HIPK3: variants seen among roughly 807,000 people sequenced by gnomAD.
HIPK3 encodes homeodomain-interacting protein kinase 3.
Under a neutral mutation model 124.2 loss-of-function variants are expected in HIPK3, and 47 were observed. That is an observed-to-expected ratio of 0.38 (90% CI 0.30 to 0.48). HIPK3 has a LOEUF of 0.48. Ranked by LOEUF, HIPK3 falls within the 20% of genes least tolerant of loss-of-function variation. The pLI is 0.98. For missense variants in HIPK3, 1,286 were observed against 1,454.3 expected (o/e 0.88, Z 1.88); for synonymous variants, 482 against 515.2 (o/e 0.94, Z 0.87).
At chr11:33,321,224 G>A (rs1852654693) in intron 2 of HIPK3, among the ~76,000 whole-genome samples, 1 of 152,188 alleles carries the variant, frequency 6.6e-6, no homozygotes, top group African/African-American at 2.4e-5. Flanking sequence ...AGCGAATGCA[G>A]TGGTTTAGTG....
At chr11:33,345,491 G>GGA (rs1853465356) in intron 8 of HIPK3, among the ~76,000 whole-genome samples, 2 of 152,258 alleles carry the variant, frequency 1.3e-5, no homozygotes, top group South Asian at 4.1e-4. Context: ...GATCTCCTGT[G>GGA]GAGAGGGTAT....
At chr11:33,260,940 T>C (rs531961728) in intron 1 of HIPK3, among the ~76,000 whole-genome samples, 23 of 151,854 alleles carry the variant, frequency 1.5e-4, no homozygotes, top group Non-Finnish European at 2.8e-4. Context: ...ACTAAAACTT[T>C]GTTAAAATGG....
rs778254342 is a variant in HIPK3, at chr11:33,348,740, C to T, written c.2588C>T (p.Pro863Leu). 27 of 1,613,930 alleles carry T rather than the reference C, an allele frequency of 1.7e-5. No individual in the cohort carries two copies. The highest frequency in any genetic ancestry group is 6.7e-5 in the East Asian group (3 of 44,896). Residue 863 changes from proline (P) to leucine (L), a missense_variant, in exon 13 of 17, where the codon CCG becomes CTG. Pro to Leu is a moderately conservative substitution (Grantham distance 98, BLOSUM62 -3). Transcript: ENST00000303296. ...CAAACCATCATTATTGCCGACTCCC[C>T]GAGTCCTGCAGTGAGTGTCATCACT... ...QRQTIIIADS[P>L]SPAVSVITIS...
intron 2 of HIPK3, among the ~76,000 whole-genome samples, chr11:33,312,160 A>C (rs1398503450): frequency 6.6e-6 from 1 of 152,176 alleles, no homozygotes; most frequent in Non-Finnish European, 1.5e-5. Context: ...GTCTGGCTAC[A>C]CACAGCTATT....
Position 33,286,955 on chromosome 11 carries a change from G to A in HIPK3, c.541G>A (p.Asp181Asn). ...SKQNCTTGEG[D>N]YQLVQHEVLC... is the part of the protein sequence containing the mutation. ...ACAGAATTGTACCACTGGAGAAGGT[G>A]ACTATCAGTTAGTACAGCATGAAGT... Residue 181 changes from aspartate (D) to asparagine (N), a missense_variant, in exon 2 of 17, where the codon GAC (aspartate) becomes AAC (asparagine). Physicochemically the swap from Asp to Asn is conservative, Grantham distance 23 (BLOSUM62 1). Coordinates refer to ENST00000303296, the MANE Select transcript of HIPK3 (RefSeq NM_005734.5). 6.2e-7 allele frequency: 1 copy of A among 1,614,142 alleles called. No homozygotes were observed. Among genetic ancestry groups the A allele is most frequent in the Non-Finnish European group, 8.5e-7 (1 of 1,180,004 alleles).
At chr11:33,285,818 C>T (rs1851533777) in intron 1 of HIPK3, among the ~76,000 whole-genome samples, 1 of 152,076 alleles carries the variant, frequency 6.6e-6, no homozygotes, top group South Asian at 2.1e-4. Flanking sequence ...GTCTCACAGG[C>T]TGAAGTGCAG....
intron 2 of HIPK3, among the ~76,000 whole-genome samples, chr11:33,322,025 A>C (rs1361227955): frequency 6.6e-6 from 1 of 152,092 alleles, no homozygotes; most frequent in Non-Finnish European, 1.5e-5. Flanking sequence ...TGAGACACAG[A>C]GTCTTGCTCC....
chr11:33,265,449 C>T (rs113658453), intron 1 of HIPK3, among the ~76,000 whole-genome samples: 15 of 152,050 alleles, frequency 9.9e-5, no homozygotes, highest in East Asian at 5.8e-4. Context: ...TTTATTATGA[C>T]GGGTAATGAT....
intron 13 of HIPK3, 93 bp from the exon 14 acceptor site, chr11:33,349,053 GT>G: frequency 8.3e-7 from 1 of 1,211,072 alleles, no homozygotes; most frequent in South Asian, 1.4e-5. Flanking sequence ...ATTCTTAACA[GT>G]TTCATATCCT....
rs373619155 is a variant in HIPK3 at position 33,348,817 on chromosome 11, G to C, written c.2665G>C (p.Glu889Gln). Reference protein sequence around the residue: ...EETSQRHSLRECKGSLDCEAC... With the variant: ...EETSQRHSLRQCKGSLDCEAC... ...GACTTCCCAGAGACATTCACTCAGA[G>C]AGTAAGTGCCAAACGCTGCATCCTC... Residue 889 changes from glutamate to glutamine, a missense_variant and splice_region_variant, in exon 13 of 17, where the codon GAA becomes CAA. This residue lies in a region of HIPK3 where 810 missense variants were observed against 864.9 expected (regional missense o/e 0.94). Coordinates refer to ENST00000303296, the MANE Select transcript of HIPK3 (RefSeq NM_005734.5). The C allele has an allele frequency of 1.4e-4, 230 of 1,611,678 alleles. No individual in the cohort carries two copies. The highest frequency in any genetic ancestry group is 1.9e-4 in the Non-Finnish European group (229 of 1,178,200).
At chr11:33,336,170 T>G in intron 3 of HIPK3, among the ~76,000 whole-genome samples, 1 of 152,140 alleles carries the variant, frequency 6.6e-6, no homozygotes, top group East Asian at 1.9e-4. Context: ...ATGGAAGGCC[T>G]GGTCAATAAG....
At chr11:33,346,060 A>G (rs1853483039) in intron 8 of HIPK3, among the ~76,000 whole-genome samples, 1 of 152,206 alleles carries the variant, frequency 6.6e-6, no homozygotes, top group Non-Finnish European at 1.5e-5. Context: ...AACTGGAATT[A>G]TGAAGTGCTG....
chr11:33,331,132 C>T (rs1852969304), intron 3 of HIPK3, among the ~76,000 whole-genome samples: 1 of 152,162 alleles, frequency 6.6e-6, no homozygotes, highest in Non-Finnish European at 1.5e-5. Flanking sequence ...ATCCACCCAC[C>T]TTGGCCTCCC....
At chr11:33,258,256 GT>G in intron 1 of HIPK3, 4 of 975,192 alleles carry the variant, frequency 4.1e-6, no homozygotes, top group Non-Finnish European at 4.9e-6. Context: ...AGCAACCGAA[GT>G]TTTGTTTAGT....
Position 33,349,241 on chromosome 11 carries a change from A to G in HIPK3, c.2761A>G (p.Ser921Gly), listed in dbSNP as rs368393624. The G allele has an allele frequency of 2.5e-6, 4 of 1,613,690 alleles. No individual in the cohort carries two copies. In the African/African-American group the frequency reaches 5.3e-5, roughly 22 times the overall value. ...TAGTCCTGATAGTACTCTGAGTACC[A>G]GCTCCTCAGGGCAGTCCAGCCCATC... ...LSSPDSTLST[S>G]SSGQSSPSPC... The change falls in exon 14 of 17, where the codon AGC (serine) becomes GGC (glycine). Residue 921 changes from serine to glycine, a missense_variant. Transcript: ENST00000303296.
intron 2 of HIPK3, among the ~76,000 whole-genome samples, chr11:33,288,481 T>G (rs2067969): frequency 1.2e-4 from 18 of 152,208 alleles, no homozygotes; most frequent in Admixed American, 3.3e-4. Flanking sequence ...AACACAAATA[T>G]ACTTCTTTGG....
chr11:33,284,618 A>G (rs1851499315), intron 1 of HIPK3, among the ~76,000 whole-genome samples: 1 of 152,196 alleles, frequency 6.6e-6, no homozygotes, highest in Non-Finnish European at 1.5e-5. Context: ...TGATTGTGCC[A>G]CTGCACTGCA....
At chr11:33,341,474 T>A (rs1853332369) in intron 7 of HIPK3, 89 bp from the exon 8 acceptor site, 1 of 1,246,226 alleles carries the variant, frequency 8.0e-7, no homozygotes, top group African/African-American at 1.5e-5. Context: ...AGTAGAATTA[T>A]GATCTTAAGA....
intron 2 of HIPK3, among the ~76,000 whole-genome samples, chr11:33,317,899 C>A (rs1852552614): frequency 6.6e-6 from 1 of 152,142 alleles, no homozygotes; most frequent in Non-Finnish European, 1.5e-5. Flanking sequence ...TTCCTAACTG[C>A]CTCTGTAAAA....
Sources: gnomAD v4.1 joint callset for allele counts (sites outside exome capture counted in the v4.1 genomes callset) on GRCh38, gnomAD v4.1.1 for gene constraint, gnomAD v4.1.1 regional missense constraint, MANE v1.5 for transcripts, NCBI Gene and HGNC (gene_info 2026-07-23, HGNC 2026-07-21) for gene names.